Variants in EMP1 observed in about 807,000 individuals in gnomAD.
EMP1 encodes tumor-associated membrane protein.
In EMP1, 5 loss-of-function variants were observed where a neutral mutation model predicts 15.7. The ratio of observed to expected loss-of-function variants is 0.32; its 90% CI spans 0.17 to 0.67. The LOEUF (loss-of-function observed/expected upper bound fraction) is 0.67. Ranked by LOEUF, EMP1 falls within the 30% of genes least tolerant of loss-of-function variation. The pLI is 0.74. For synonymous variants in EMP1, 78 were observed against 76.7 expected, an observed-to-expected ratio of 1.02 and a Z score of -0.09; for missense variants, 166 against 194.2, an observed-to-expected ratio of 0.85 and a Z score of 0.86.
intron 1 of EMP1, among the ~76,000 whole-genome samples, chr12:13,197,875 G>A (rs1163276678): frequency 6.6e-6 from 1 of 152,176 alleles, no homozygotes; most frequent in African/African-American, 2.4e-5. Context: ...CGTGGGAGGG[G>A]TTCACTTGGT....
Position 13,218,264 on chromosome 12 carries a change from A to C in EMP1, c.*3573A>C, listed in dbSNP as rs1470363766. 2.6e-5 allele frequency: 4 copies of C among 152,226 alleles called. No homozygotes were observed. The highest frequency in any genetic ancestry group is 9.6e-5 in the African/African-American group (4 of 41,458). 9.4% of individuals were successfully genotyped at this position (152,226 alleles called of 1,614,324 possible). ...GCTTTCAGGCATGGAAAAAAATTTC[A>C]CAAAGGCCTTGAAAGAAGGCATATG... is the stretch of plus-strand genomic sequence containing the variant. On this transcript the variant is annotated 3_prime_UTR_variant, in exon 5 of 5. Coordinates refer to ENST00000256951, the MANE Select transcript of EMP1 (RefSeq NM_001423.3).
chr12:13,207,120 A>G (rs1864117430), intron 1 of EMP1, among the ~76,000 whole-genome samples: 1 of 151,776 alleles, frequency 6.6e-6, no homozygotes, highest in Non-Finnish European at 1.5e-5. Context: ...GTTCTATTTT[A>G]TTTTATTTTG....
Position 13,211,363 on chromosome 12 carries a change from G to C in EMP1, c.-42-106G>C. ...TATGATTAGATTGTGATGGTTTTTAGTGCAGCTCTTCCTCATGTTAGCAGA... is the reference window on the plus strand; with the variant it reads ...TATGATTAGATTGTGATGGTTTTTACTGCAGCTCTTCCTCATGTTAGCAGA... On this transcript the variant is annotated intron_variant, in intron 1 of 4. Coordinates refer to ENST00000256951, the MANE Select transcript of EMP1 (RefSeq NM_001423.3). The surrounding 1 kb of genome is among the most constrained non-coding windows in gnomAD (Gnocchi z 4.7). The C allele has an allele frequency of 1.3e-6, 1 of 756,676 alleles. No homozygotes were observed. The highest frequency in any genetic ancestry group is 2.2e-6 in the Non-Finnish European group (1 of 444,556). The allele number at this position is 756,676 out of a possible 1,614,324, so 46.9% of individuals were successfully genotyped here. A position where few individuals can be genotyped will look rare whatever the true frequency, so the allele number is the denominator to read the frequency against.
intron 1 of EMP1, among the ~76,000 whole-genome samples, chr12:13,197,527 G>C (rs995074884): frequency 2.0e-5 from 3 of 152,112 alleles, no homozygotes; most frequent in Admixed American, 6.5e-5. Flanking sequence ...TGTAATCCTA[G>C]CACTTTGGGA....
intron 1 of EMP1, among the ~76,000 whole-genome samples, chr12:13,208,622 A>G (rs1333230569): frequency 6.6e-6 from 1 of 152,232 alleles, no homozygotes; most frequent in African/African-American, 2.4e-5. Flanking sequence ...AGCTTAAGCT[A>G]AACAGCCCCT....
At chr12:13,214,122 T>A in intron 4 of EMP1, 1 of 611,254 alleles carries the variant, frequency 1.6e-6, no homozygotes, top group East Asian at 2.7e-5. Flanking sequence ...CTCAGAAAGA[T>A]GAAACCACTG....
intron 1 of EMP1, among the ~76,000 whole-genome samples, chr12:13,207,109 G>A (rs762580506): frequency 3.0e-4 from 45 of 151,910 alleles, no homozygotes; most frequent in Non-Finnish European, 2.6e-4. Context: ...TAATCCTCAG[G>A]GTTCTATTTT....
At position 13,214,898 on chromosome 12, in the gene EMP1, T is replaced by C. The variant is rs1261693358; in HGVS notation, c.*207T>C. On this transcript the variant is annotated 3_prime_UTR_variant, in exon 5 of 5. Coordinates refer to ENST00000256951, the MANE Select transcript of EMP1 (RefSeq NM_001423.3). The stretch of plus-strand genomic sequence containing the variant: ...GGGGAGAAAGTAGTTGGCTAGTACT[T>C]TGATGCTCCCTTGATGGGGTCCAGA... The C allele has an allele frequency of 7.7e-6, 4 of 519,138 alleles. No homozygotes were observed. Among genetic ancestry groups the C allele is most frequent in the South Asian group, 2.0e-5 (1 of 49,528 alleles). The allele number at this position is 519,138 out of a possible 1,614,324, so 32.2% of individuals were successfully genotyped here.
Position 13,214,598 on chromosome 12 carries a change from G to T in EMP1, c.381G>T (p.Gln127His), listed in dbSNP as rs1042043336. The change falls in exon 5 of 5, where the codon CAG becomes CAT. Residue 127 changes from glutamine (Q) to histidine (H), a missense_variant. By Grantham distance (24) the Gln-to-His change is conservative. Coordinates refer to ENST00000256951, the MANE Select transcript of EMP1 (RefSeq NM_001423.3). ...TSHYANRDGT[Q>H]YHHGYSYILG... ...ATTATGCGAATCGTGATGGAACGCAGTATCACCACGGCTATTCCTACATCC... is the reference window on the plus strand; with the variant it reads ...ATTATGCGAATCGTGATGGAACGCATTATCACCACGGCTATTCCTACATCC... 12 of 1,613,908 alleles carry T rather than the reference G, an allele frequency of 7.4e-6. No individual in the cohort carries two copies. In the African/African-American group the frequency reaches 1.1e-4, roughly 14 times the overall value.
chr12:13,204,174 C>T (rs1864090358), intron 1 of EMP1, among the ~76,000 whole-genome samples: 2 of 152,206 alleles, frequency 1.3e-5, no homozygotes, highest in Non-Finnish European at 2.9e-5. Context: ...TCCTTCCACA[C>T]CAAACATGAG....
chr12:13,215,015 A>G lies in EMP1; in HGVS notation c.*324A>G. 3.1e-6 allele frequency: 1 copy of G among 320,040 alleles called. No homozygotes were observed. The highest frequency in any genetic ancestry group is 6.1e-6 in the Non-Finnish European group (1 of 164,730). The allele number at this position is 320,040 out of a possible 1,614,324, so 19.8% of individuals were successfully genotyped here. A position where few individuals can be genotyped will look rare whatever the true frequency, so the allele number is the denominator to read the frequency against. ...CATCAGCTGCCACAACACCAGCCCC[A>G]CTTCTGGGTCATGCACTGAGGTCCA... On this transcript the variant is annotated 3_prime_UTR_variant, in exon 5 of 5. Coordinates refer to ENST00000256951, the MANE Select transcript of EMP1 (RefSeq NM_001423.3).
chr12:13,197,124 C>T (rs569151864), intron 1 of EMP1, among the ~76,000 whole-genome samples: 88 of 152,276 alleles, frequency 5.8e-4, no homozygotes, highest in African/African-American at 2.0e-3. Context: ...GGGCTAAAAT[C>T]GTGCCTGGCA....
At chr12:13,210,622 A>C (rs1048187956) in intron 1 of EMP1, among the ~76,000 whole-genome samples, 3 of 152,180 alleles carry the variant, frequency 2.0e-5, no homozygotes, top group African/African-American at 7.2e-5. Context: ...GAAGGATTGG[A>C]ATTTGTGTAA....
chr12:13,208,683 A>C (rs971587747), intron 1 of EMP1, among the ~76,000 whole-genome samples: 5 of 152,270 alleles, frequency 3.3e-5, no homozygotes, highest in Non-Finnish European at 7.3e-5. Flanking sequence ...TGTGTTTTGC[A>C]CAAGACCGCT....
At chr12:13,199,135 A>T (rs928326763) in intron 1 of EMP1, 1 of 152,380 alleles carries the variant, frequency 6.6e-6, no homozygotes, top group Admixed American at 6.5e-5. Flanking sequence ...ATCAAGAACC[A>T]ACTTGGAGCA....
In EMP1 at chr12:13,216,271, T is replaced by C. The variant is rs190154799; in HGVS notation, c.*1580T>C. ...TTAGCTTTCTCCTCATCCATTTCTT[T>C]TATACCTTTCCTTTTTGGGGAGTTG... On this transcript the variant is annotated 3_prime_UTR_variant, in exon 5 of 5. Transcript: ENST00000256951. The C allele has an allele frequency of 6.1e-4, 403 of 661,214 alleles. 2 individuals carry two copies. The highest frequency in any genetic ancestry group is 1.0e-3 in the Non-Finnish European group (368 of 367,682). 41.0% of individuals were successfully genotyped at this position (661,214 alleles called of 1,614,324 possible).
intron 1 of EMP1, among the ~76,000 whole-genome samples, chr12:13,205,487 T>C (rs1324589826): frequency 1.3e-5 from 2 of 151,784 alleles, no homozygotes; most frequent in East Asian, 1.9e-4. Context: ...CTAAAGTCTA[T>C]GTATGTTAAA....
chr12:13,208,669 AC>A (rs1864135070), intron 1 of EMP1, among the ~76,000 whole-genome samples: 2 of 152,252 alleles, frequency 1.3e-5, no homozygotes, highest in Admixed American at 1.3e-4. Flanking sequence ...AACAGAGAGA[AC>A]TGTGTGTTTT....
intron 1 of EMP1, among the ~76,000 whole-genome samples, chr12:13,205,446 T>C (rs1864103422): frequency 1.3e-5 from 2 of 152,168 alleles, no homozygotes; most frequent in South Asian, 4.1e-4. Flanking sequence ...TGTAGTAAAG[T>C]ATTAAGCAAT....
Sources: allele counts gnomAD v4.1 joint callset (sites outside exome capture counted in the v4.1 genomes callset), GRCh38; gene constraint gnomAD v4.1.1; non-coding constraint Gnocchi (gnomAD v3.1); transcripts MANE v1.5; gene names NCBI Gene and HGNC (gene_info 2026-07-23, HGNC 2026-07-21).